The following PDE2A variants were observed in gnomAD, a reference collection of about 807,000 sequenced individuals.
PDE2A encodes phosphodiesterase 2A.
Under a neutral mutation model 133.6 loss-of-function variants are expected in PDE2A, and 53 were observed. The ratio of observed to expected loss-of-function variants is 0.40; its 90% CI spans 0.32 to 0.50. The LOEUF is 0.50. Among genes scored for constraint, PDE2A ranks in the 20% least tolerant of loss-of-function variants. The pLI, the probability that PDE2A is intolerant of heterozygous loss-of-function variation, is 0.73. For missense variants in PDE2A, 796 were observed against 1,232.4 expected, an observed-to-expected ratio of 0.65 and a Z score of 5.30; for synonymous variants, 491 against 490.2, an observed-to-expected ratio of 1.00 and a Z score of -0.02.
At chr11:72,632,330 G>T (rs923328897) in intron 2 of PDE2A, among the ~76,000 whole-genome samples, 10 of 152,188 alleles carry the variant, frequency 6.6e-5, no homozygotes, top group Non-Finnish European at 1.5e-4. Context: ...CCTGTGCCCT[G>T]CAGGGTCTTC....
chr11:72,579,124 A>AG, intron 27 of PDE2A, 115 bp from the exon 28 acceptor site: 1 of 947,206 alleles, frequency 1.1e-6, no homozygotes, highest in East Asian at 2.5e-5. Context: ...CCTTGATGGG[A>AG]GCCAAGGGGC....
At position 72,597,891 on chromosome 11, in the gene PDE2A, A is replaced by T. The variant is rs149792213; in HGVS notation, c.324-272T>A. On this transcript the variant is annotated intron_variant, in intron 4 of 30. Coordinates refer to ENST00000334456, the MANE Select transcript of PDE2A (RefSeq NM_002599.5). The surrounding 1 kb of genome is among the most constrained non-coding windows in gnomAD (Gnocchi z 4.6). ...GTGCAGATCTTCCAGGCAGTGGGAGAGCAGAGGAAGTGAATGCAGGGGCTC... is the reference window on the plus strand; with the variant it reads ...GTGCAGATCTTCCAGGCAGTGGGAGTGCAGAGGAAGTGAATGCAGGGGCTC... Among the ~76,000 whole-genome samples the T allele has an allele frequency of 7.0e-4, 106 of 152,202 alleles. No individual in the cohort carries two copies. Among genetic ancestry groups the T allele is most frequent in the African/African-American group, 2.4e-3 (100 of 41,512 alleles).
intron 2 of PDE2A, among the ~76,000 whole-genome samples, chr11:72,631,935 C>A (rs1414524937): frequency 6.6e-6 from 1 of 151,914 alleles, no homozygotes; most frequent in Non-Finnish European, 1.5e-5. Context: ...ATATTCTGAG[C>A]CTGGCTTCGT....
intron 4 of PDE2A, among the ~76,000 whole-genome samples, chr11:72,602,709 G>A (rs1675071202): frequency 6.6e-6 from 1 of 152,226 alleles, no homozygotes; most frequent in Admixed American, 6.5e-5. Context: ...TGTGTGCTGG[G>A]CACTGTGCCA....
chr11:72,584,874 C>T lies in PDE2A; in HGVS notation c.1357G>A (p.Glu453Lys). 6.2e-7 allele frequency: 1 copy of T among 1,613,922 alleles called. No homozygotes were observed. Residue 453 changes from glutamate (E) to lysine (K), a missense_variant and splice_region_variant, in exon 17 of 31, where the codon GAG (glutamate) becomes AAG (lysine). Glu to Lys is a moderately conservative substitution (Grantham distance 56). Around this residue, in one of 7 missense-constraint regions of PDE2A, gnomAD observed 218 missense variants for 465.9 expected, o/e 0.47. Coordinates refer to ENST00000334456, the MANE Select transcript of PDE2A (RefSeq NM_002599.5). ...ATACTCCCTCCACACCCTCTCACCT[C>T]ATCATCCACCACGCCCCCGTCGAAC... ...KVFDGGVVDD[E>K]SYEIRIPADQ...
chr11:72,628,486 A>G (rs1447840782), intron 2 of PDE2A, among the ~76,000 whole-genome samples: 4 of 152,048 alleles, frequency 2.6e-5, no homozygotes, highest in African/African-American at 9.7e-5. Context: ...GCCCACCACC[A>G]CAACCGGCTA....
At chr11:72,640,671 G>A (rs920408226) in intron 2 of PDE2A, among the ~76,000 whole-genome samples, 4 of 152,112 alleles carry the variant, frequency 2.6e-5, no homozygotes, top group Admixed American at 6.5e-5. Context: ...ACTCCTCTCT[G>A]ACAAGACACC....
intron 1 of PDE2A, among the ~76,000 whole-genome samples, chr11:72,665,732 T>C (rs1454928305): frequency 6.6e-6 from 1 of 151,914 alleles, no homozygotes; most frequent in Non-Finnish European, 1.5e-5. Context: ...GGCAGGAAGC[T>C]CATCCCTGTC....
intron 2 of PDE2A, among the ~76,000 whole-genome samples, chr11:72,623,367 G>A (rs1432174513): frequency 4.0e-5 from 6 of 151,746 alleles, no homozygotes; most frequent in Non-Finnish European, 7.4e-5. Flanking sequence ...CCTCTGTCTC[G>A]TTGCTGCTCC....
chr11:72,620,857 G>T (rs1420781050), intron 2 of PDE2A, among the ~76,000 whole-genome samples: 2 of 151,726 alleles, frequency 1.3e-5, no homozygotes, highest in Non-Finnish European at 2.9e-5. Flanking sequence ...CCAAGCAGGG[G>T]ACAGAAGTTG....
intron 1 of PDE2A, among the ~76,000 whole-genome samples, chr11:72,652,118 G>A (rs1044108669): frequency 1.3e-5 from 2 of 152,210 alleles, no homozygotes; most frequent in South Asian, 2.1e-4. Flanking sequence ...GGCAGAAGTA[G>A]GGAGCAGCAT....
chr11:72,623,308 T>C (rs1857872259), intron 2 of PDE2A, among the ~76,000 whole-genome samples: 1 of 152,038 alleles, frequency 6.6e-6, no homozygotes, highest in African/African-American at 2.4e-5. Flanking sequence ...TTTCCTCCCT[T>C]GGCTTCTGGC....
chr11:72,582,011 T>C, intron 21 of PDE2A, 64 bp from the exon 22 acceptor site: 1 of 1,288,452 alleles, frequency 7.8e-7, no homozygotes, highest in Non-Finnish European at 1.1e-6. Context: ...CTTGCCTGGG[T>C]CCTTCTTCAA....
intron 1 of PDE2A, among the ~76,000 whole-genome samples, chr11:72,656,917 C>T (rs1854914904): frequency 6.6e-6 from 1 of 152,152 alleles, no homozygotes; most frequent in East Asian, 1.9e-4. Flanking sequence ...CTCCTCTTCC[C>T]CCAGGGACAA....
chr11:72,640,698 G>A (rs1449123641), intron 2 of PDE2A, among the ~76,000 whole-genome samples: 4 of 152,086 alleles, frequency 2.6e-5, no homozygotes, highest in African/African-American at 9.7e-5. Flanking sequence ...AAACCATCAG[G>A]CCCCTGCAGT....
chr11:72,668,753 A>G (rs1389326582), intron 1 of PDE2A, among the ~76,000 whole-genome samples: 2 of 152,234 alleles, frequency 1.3e-5, no homozygotes, highest in Admixed American at 1.3e-4. Context: ...CTTCCATTGT[A>G]TTATCTGGGG....
chr11:72,607,208 C>T (rs1857007368), intron 3 of PDE2A, among the ~76,000 whole-genome samples: 1 of 152,232 alleles, frequency 6.6e-6, no homozygotes, highest in Non-Finnish European at 1.5e-5. Flanking sequence ...ACCTGGACCA[C>T]AGCTGTCATC....
At chr11:72,643,561 C>T (rs1859047343) in intron 1 of PDE2A, 1 of 152,276 alleles carries the variant, frequency 6.6e-6, no homozygotes, top group Non-Finnish European at 1.5e-5. Context: ...GACCTGAATC[C>T]CCCCGTCAAC....
At chr11:72,595,026 C>T (rs1190239370) in intron 6 of PDE2A, among the ~76,000 whole-genome samples, 1 of 126,354 alleles carries the variant, frequency 7.9e-6, no homozygotes, top group Non-Finnish European at 1.6e-5. Context: ...ATCCCACCAG[C>T]GTCCCTGAGA....
Sources: gnomAD v4.1 joint callset for allele counts (sites outside exome capture counted in the v4.1 genomes callset) on GRCh38, gnomAD v4.1.1 for gene constraint, gnomAD v4.1.1 regional missense constraint, Gnocchi (gnomAD v3.1) non-coding constraint, MANE v1.5 for transcripts, NCBI Gene and HGNC (gene_info 2026-07-23, HGNC 2026-07-21) for gene names.